Variants in TFB1M observed in about 807,000 individuals in gnomAD.
The protein encoded by TFB1M is transcription factor B1, mitochondrial.
A neutral mutation model predicts 31.1 loss-of-function variants in TFB1M; 27 were observed. The ratio of observed to expected loss-of-function variants is 0.87; its 90% CI spans 0.64 to 1.20. The LOEUF (loss-of-function observed/expected upper bound fraction) is 1.20. Among genes scored for constraint, TFB1M ranks in the 50% most tolerant of loss-of-function variants. The pLI is 0.00. For missense variants in TFB1M, 394 were observed against 418.7 expected, an observed-to-expected ratio of 0.94 and a Z score of 0.51; for synonymous variants, 166 against 151.8, an observed-to-expected ratio of 1.09 and a Z score of -0.69.
intron 5 of TFB1M, among the ~76,000 whole-genome samples, chr6:155,273,706 G>A (rs961698042): frequency 7.2e-5 from 11 of 152,254 alleles, no homozygotes; most frequent in Admixed American, 2.0e-4. Flanking sequence ...GAAAGGATGC[G>A]GGATGACCCT....
At chr6:155,254,438 A>G (rs551247249), downstream of TFB1M, 186 of 1,612,966 alleles carry the variant, frequency 1.2e-4, 2 homozygotes, top group South Asian at 1.9e-3. Context: ...AAGCAAAACC[A>G]ACATTGTTAA....
Position 155,258,116 on chromosome 6 carries a change from A to T in TFB1M, c.795-34T>A, listed in dbSNP as rs890781180. ...AAGACAGACAGACAGAAAAATAAGAATTTTACTTAAATTCTGCAAATCATG... is the reference window on the plus strand; with the variant it reads ...AAGACAGACAGACAGAAAAATAAGATTTTTACTTAAATTCTGCAAATCATG... On this transcript the variant is annotated intron_variant, in intron 6 of 6. Coordinates refer to ENST00000367166, the MANE Select transcript of TFB1M (RefSeq NM_016020.4). 6 of 1,612,956 alleles carry T rather than the reference A, an allele frequency of 3.7e-6. No individual in the cohort carries two copies. In the African/African-American group the frequency reaches 6.7e-5, roughly 18 times the overall value.
chr6:155,282,227 T>C (rs1776397294), intron 5 of TFB1M, among the ~76,000 whole-genome samples: 1 of 152,188 alleles, frequency 6.6e-6, no homozygotes, highest in Admixed American at 6.5e-5. Context: ...AGACACAAAG[T>C]ATTTTGGGTT....
chr6:155,240,771 G>C, the TFB1M span: 12 of 1,536,154 alleles, frequency 7.8e-6, no homozygotes, highest in Non-Finnish European at 1.1e-5. Context: ...TGGTATGCTG[G>C]CAGAGGTCCC....
downstream of TFB1M, chr6:155,256,076 TGAGAA>T: frequency 4.3e-6 from 1 of 232,254 alleles, no homozygotes. Flanking sequence ...ATCCACAAGG[TGAGAA>T]GATGCATAGG....
At chr6:155,297,437 A>C (rs1299740446) in intron 3 of TFB1M, among the ~76,000 whole-genome samples, 1 of 152,218 alleles carries the variant, frequency 6.6e-6, no homozygotes, top group East Asian at 1.9e-4. Flanking sequence ...CCTATGGAAC[A>C]CCTAGATGAA....
rs115691797 is a variant in TFB1M, at chr6:155,256,876, G to A, written c.*960C>T. 1.4e-3 allele frequency: 2,275 copies of A among 1,614,196 alleles called. 59 individuals carry two copies. The East Asian group carries it at 0.042, about 30-fold the overall frequency. On this transcript the variant is annotated 3_prime_UTR_variant, in exon 7 of 7. Transcript: ENST00000367166. ...CCCGGAGTCGGGTGAGGGTCAGAAA[G>A]GAGGAGAGCAGCCCAAACTGGTCCG...
At chr6:155,241,240 G>T in the TFB1M span, among the ~76,000 whole-genome samples, 3 of 152,230 alleles carry the variant, frequency 2.0e-5, no homozygotes, top group Admixed American at 6.5e-5. Context: ...AGTACCCGAA[G>T]AATTCATTTA....
chr6:155,307,269 G>A (rs765363394), intron 2 of TFB1M, among the ~76,000 whole-genome samples: 8 of 152,082 alleles, frequency 5.3e-5, no homozygotes, highest in Non-Finnish European at 1.2e-4. Flanking sequence ...AAGTGTATTA[G>A]CTCGTTTTCA....
chr6:155,247,954 T>A, the TFB1M span: 1 of 1,563,450 alleles, frequency 6.4e-7, no homozygotes. Context: ...AGAATTTAAT[T>A]CACCCCACTG....
intron 2 of TFB1M, among the ~76,000 whole-genome samples, chr6:155,298,870 T>C (rs958775377): frequency 2.6e-5 from 4 of 152,216 alleles, no homozygotes; most frequent in East Asian, 1.9e-4. Context: ...TATTTCTATA[T>C]AGATTTAGCA....
At position 155,285,199 on chromosome 6, in the gene TFB1M, T is replaced by C; in HGVS notation, c.625A>G (p.Ile209Val). ...MAQYLCNVRH[I>V]FTIPGQAFVP... Reference sequence around the variant, plus strand: ...AAAGCTTGTCCTGGAATCGTAAAGATGTGTCGAACATTGCAGAGGTACTGA... The same window carrying C: ...AAAGCTTGTCCTGGAATCGTAAAGACGTGTCGAACATTGCAGAGGTACTGA... Residue 209 changes from isoleucine (I) to valine (V), a missense_variant, in exon 5 of 7, where the codon ATC becomes GTC. Coordinates refer to ENST00000367166, the MANE Select transcript of TFB1M (RefSeq NM_016020.4). 1 of 1,614,024 alleles carries C rather than the reference T, an allele frequency of 6.2e-7. No homozygotes were observed.
At chr6:155,267,395 T>C (rs1405836899) in intron 5 of TFB1M, among the ~76,000 whole-genome samples, 1 of 152,330 alleles carries the variant, frequency 6.6e-6, no homozygotes, top group African/African-American at 2.4e-5. Flanking sequence ...GAAGCAAGAA[T>C]TGTAAATTAG....
chr6:155,272,472 C>T (rs1784969907), intron 5 of TFB1M, among the ~76,000 whole-genome samples: 1 of 151,878 alleles, frequency 6.6e-6, no homozygotes, highest in African/African-American at 2.4e-5. Context: ...TAAGTGTTTA[C>T]ATGCGACCCC....
the TFB1M span, among the ~76,000 whole-genome samples, chr6:155,241,623 C>T: frequency 8.5e-5 from 13 of 152,148 alleles, no homozygotes; most frequent in Non-Finnish European, 1.5e-4. Context: ...TTGTTGATGT[C>T]GCTGTTTTAC....
chr6:155,299,897 C>T (rs1777350417), intron 2 of TFB1M, among the ~76,000 whole-genome samples: 1 of 152,222 alleles, frequency 6.6e-6, no homozygotes, highest in Non-Finnish European at 1.5e-5. Context: ...GCGTCTGCCT[C>T]TTTACAGCAC....
chr6:155,243,913 G>T, the TFB1M span: 1 of 797,766 alleles, frequency 1.3e-6, no homozygotes, highest in South Asian at 1.4e-5. Context: ...TTATCCTGAT[G>T]GGAGCCTTGG....
At chr6:155,231,317 A>G in the TFB1M span, among the ~76,000 whole-genome samples, 1 of 152,194 alleles carries the variant, frequency 6.6e-6, no homozygotes, top group Non-Finnish European at 1.5e-5. Context: ...AACCTTTGGA[A>G]ATGGAACTGT....
chr6:155,277,979 A>T (rs767291864), intron 5 of TFB1M, among the ~76,000 whole-genome samples: 16 of 152,190 alleles, frequency 1.1e-4, no homozygotes, highest in Admixed American at 5.2e-4. Context: ...CTTCAAAAAT[A>T]ATTTTTATTT....
Sources: gnomAD v4.1 joint callset for allele counts (sites outside exome capture counted in the v4.1 genomes callset) on GRCh38, gnomAD v4.1.1 for gene constraint, MANE v1.5 for transcripts, NCBI Gene and HGNC (gene_info 2026-07-23, HGNC 2026-07-21) for gene names.